The following TEDC2 variants were observed in gnomAD, a reference collection of about 807,000 sequenced individuals.
TEDC2 encodes the protein tubulin epsilon and delta complex 2, also known as tubulin epsilon and delta complex protein 2.
A neutral mutation model predicts 48.1 loss-of-function variants in TEDC2; 49 were observed. The observed-to-expected ratio is 1.02, with a 90% CI of 0.81 to 1.29. TEDC2 has a LOEUF of 1.29. Ranked by LOEUF, TEDC2 falls within the 50% of genes most tolerant of loss-of-function variation. TEDC2 has a pLI of 0.00. For synonymous variants in TEDC2, 299 were observed against 247.1 expected, an observed-to-expected ratio of 1.21 and a Z score of -1.97; for missense variants, 631 against 571.4, an observed-to-expected ratio of 1.10 and a Z score of -1.06.
In TEDC2 at chr16:2,463,951, T is replaced by C. The variant is rs771675401; in HGVS notation, c.965-88T>C. Reference sequence around the variant, plus strand: ...TTTCTCCTAAAGGCAGGGCAGGTGGTGCAGATGCGGGAGGGCCAGGCACAC... The same window carrying C: ...TTTCTCCTAAAGGCAGGGCAGGTGGCGCAGATGCGGGAGGGCCAGGCACAC... On this transcript the variant is annotated intron_variant, in intron 8 of 9. Coordinates refer to ENST00000361837, the MANE Select transcript of TEDC2 (RefSeq NM_025108.3). 7 of 1,390,320 alleles carry C rather than the reference T, an allele frequency of 5.0e-6. No homozygotes were observed. The African/African-American group carries it at 1.0e-4, about 20-fold the overall frequency. The allele number at this position is 1,390,320 out of a possible 1,614,324, so 86.1% of individuals were successfully genotyped here. A position where few individuals can be genotyped will look rare whatever the true frequency, so the allele number is the denominator to read the frequency against.
intron 8 of TEDC2, 170 bp from the exon 9 acceptor site, chr16:2,463,869 C>T (rs1038510684): frequency 9.9e-6 from 7 of 706,946 alleles, no homozygotes; most frequent in African/African-American, 7.2e-5. Context: ...GACTCCCTGC[C>T]AGCAAGTCCA....
intron 5 of TEDC2, 92 bp downstream of exon 5, chr16:2,461,892 C>A: frequency 6.9e-7 from 1 of 1,450,464 alleles, no homozygotes; most frequent in South Asian, 1.1e-5. Context: ...TCCAGTGGGT[C>A]TCTTTGTCCT....
rs748245218 is a variant in TEDC2, at chr16:2,462,187, C to G, written c.698C>G (p.Ser233Cys). ...AQLSSTQTSD[S>C]TDAAAAKTQF... Reference sequence around the variant, plus strand: ...CTCAGTTCCACACAGACCAGTGATTCCACGGATGCCGCCGCTGCCAAAACC... The same window carrying G: ...CTCAGTTCCACACAGACCAGTGATTGCACGGATGCCGCCGCTGCCAAAACC... Residue 233 changes from serine (S) to cysteine (C), a missense_variant, in exon 6 of 10, where the codon TCC (serine) becomes TGC (cysteine). Transcript: ENST00000361837. 3.1e-6 allele frequency: 5 copies of G among 1,613,360 alleles called. No homozygotes were observed. The Admixed American group carries it at 8.3e-5, about 27-fold the overall frequency.
chr16:2,463,484 G>A (rs2065480374), intron 8 of TEDC2, among the ~76,000 whole-genome samples: 2 of 150,992 alleles, frequency 1.3e-5, no homozygotes, highest in East Asian at 2.0e-4. Flanking sequence ...AAAATTAACT[G>A]GGTATGATGG....
At chr16:2,461,354 C>T in intron 4 of TEDC2, 130 bp downstream of exon 4, 5 of 1,230,140 alleles carry the variant, frequency 4.1e-6, no homozygotes, top group Non-Finnish European at 3.3e-6. Flanking sequence ...CCCTGAGGCT[C>T]ATGCTCAGAA....
rs367692813 is a variant in TEDC2, at chr16:2,460,975, C to T, written c.356C>T (p.Ala119Val). 39 of 1,613,276 alleles carry T rather than the reference C, an allele frequency of 2.4e-5. No homozygotes were observed. Among genetic ancestry groups the T allele is most frequent in the Non-Finnish European group, 3.3e-5 (39 of 1,180,016 alleles). Residue 119 changes from alanine to valine, a missense_variant, in exon 4 of 10, where the codon GCC (alanine) becomes GTC (valine). Transcript: ENST00000361837. ...ATTGTCACCTCTTCTGGCACGACAG[C>T]CTCCGCCCCACCGCATTCCCCAGGC... ...RSIVTSSGTT[A>V]SAPPHSPGQA... is the part of the protein sequence containing the mutation.
intron 7 of TEDC2, 45 bp downstream of exon 7, chr16:2,462,571 G>T (rs752476684): frequency 1.4e-5 from 22 of 1,559,716 alleles, no homozygotes; most frequent in Non-Finnish European, 1.8e-5. Context: ...TGGAGGGCCA[G>T]TGCAGGGAGG....
At position 2,460,875 on chromosome 16, in the gene TEDC2, A is replaced by C; in HGVS notation, c.256A>C (p.Lys86Gln). 1 of 1,613,510 alleles carries C rather than the reference A, an allele frequency of 6.2e-7. No homozygotes were observed. The highest frequency in any genetic ancestry group is 8.5e-7 in the Non-Finnish European group (1 of 1,180,000). ...ELEFLTQALE[K>Q]AVRVRRGITK... is the part of the protein sequence containing the mutation. ...GGAGTTTCTGACCCAGGCACTGGAG[A>C]AGGCTGTACGAGTTCGAAGAGGCAT... The change falls in exon 4 of 10, where the codon AAG becomes CAG. Residue 86 changes from lysine (K) to glutamine (Q), a missense_variant. Transcript: ENST00000361837.
At chr16:2,461,505 G>T in intron 4 of TEDC2, 1 of 636,042 alleles carries the variant, frequency 1.6e-6, no homozygotes, top group South Asian at 2.1e-5. Context: ...GCTCTGGAGG[G>T]CGTGGGATCT....
chr16:2,464,475 C>G (rs144943662), intron 9 of TEDC2, 47 bp from the exon 10 acceptor site: 2 of 1,509,708 alleles, frequency 1.3e-6, no homozygotes, highest in African/African-American at 2.8e-5. Flanking sequence ...GATTGCCCCC[C>G]GCCTAGGTGC....
chr16:2,464,188 C>T lies in TEDC2; in HGVS notation c.1114C>T (p.Leu372=). 1.2e-6 allele frequency: 2 copies of T among 1,612,134 alleles called. No homozygotes were observed. The highest frequency in any genetic ancestry group is 1.7e-6 in the Non-Finnish European group (2 of 1,179,704). ...GCTGCAGACCCTGGCGGCCCTCAAG[C>T]TGCGAGTGGCTGTGCTGGACCAGCA... is the stretch of plus-strand genomic sequence containing the variant. ...QELQTLAALK[L]RVAVLDQQIH... Residue 372 remains leucine (L), a synonymous_variant, in exon 9 of 10, where the codon CTG becomes TTG. Transcript: ENST00000361837.
intron 8 of TEDC2, 49 bp downstream of exon 8, chr16:2,462,781 G>T: frequency 6.1e-6 from 9 of 1,471,484 alleles, no homozygotes; most frequent in South Asian, 1.3e-5. Flanking sequence ...CTGGGCCGGG[G>T]ACAGGGTGCT....
rs1439164852 is a variant in TEDC2, at chr16:2,462,229, T to C, written c.740T>C (p.Met247Thr). 6.2e-7 allele frequency: 1 copy of C among 1,613,288 alleles called. No homozygotes were observed. Among genetic ancestry groups the C allele is most frequent in the Non-Finnish European group, 8.5e-7 (1 of 1,180,010 alleles). ...GCCAAAACCCAGTTCCTCCAGAACA[T>C]GCAGACAGCTGTATCCTTGCTGGGC... ...AAAKTQFLQNMQTASGGPQPR... is the reference protein window; with the variant it reads ...AAAKTQFLQNTQTASGGPQPR... Residue 247 changes from methionine to threonine, a missense_variant, in exon 6 of 10, where the codon ATG (methionine) becomes ACG (threonine). By Grantham distance (81) the Met-to-Thr change is moderately conservative. Transcript: ENST00000361837.
Position 2,460,916 on chromosome 16 carries a change from G to C in TEDC2, c.297G>C (p.Glu99Asp). 6.2e-7 allele frequency: 1 copy of C among 1,613,620 alleles called. No individual in the cohort carries two copies. Among genetic ancestry groups the C allele is most frequent in the Non-Finnish European group, 8.5e-7 (1 of 1,180,016 alleles). Reference sequence around the variant, plus strand: ...GAAGAGGCATCACTAAGGCCGGAGAGAGAGACAAGGCCCCCAGCCTGAAAT... The same window carrying C: ...GAAGAGGCATCACTAAGGCCGGAGACAGAGACAAGGCCCCCAGCCTGAAAT... ...RVRRGITKAG[E>D]RDKAPSLKSR... Residue 99 changes from glutamate to aspartate, a missense_variant, in exon 4 of 10, where the codon GAG (glutamate) becomes GAC (aspartate). Glu to Asp is a conservative substitution (Grantham distance 45). Transcript: ENST00000361837.
chr16:2,464,795 C>T lies in TEDC2; in HGVS notation c.*127C>T, dbSNP rs1197056788. 1.1e-5 allele frequency: 14 copies of T among 1,323,560 alleles called. 1 individual carries two copies. Among genetic ancestry groups the T allele is most frequent in the Non-Finnish European group, 1.3e-5 (13 of 964,698 alleles). 82.0% of individuals were successfully genotyped at this position (1,323,560 alleles called of 1,614,324 possible). On this transcript the variant is annotated 3_prime_UTR_variant, in exon 10 of 10. Coordinates refer to ENST00000361837, the MANE Select transcript of TEDC2 (RefSeq NM_025108.3). ...CCTGGTGAACTGGACCAGGTGGCCT[C>T]ACTGGCTCTTCTCAGGACAACTAAG...
Position 2,461,361 on chromosome 16 carries a change from A to C in TEDC2, c.605+137A>C, listed in dbSNP as rs2065465788. On this transcript the variant is annotated intron_variant, in intron 4 of 9. Transcript: ENST00000361837. ...TGGCATACCCCTGAGGCTCATGCTC[A>C]GAAGCTGGCAGAATGAAGCAGCTGT... 2.6e-6 allele frequency: 3 copies of C among 1,172,126 alleles called. No homozygotes were observed. In the African/African-American group the frequency reaches 4.7e-5, roughly 18 times the overall value. The allele number at this position is 1,172,126 out of a possible 1,614,324, so 72.6% of individuals were successfully genotyped here.
In TEDC2 at chr16:2,464,846, C is replaced by A; in HGVS notation, c.*178C>A. ...CCTGCTGGTCAGGGCTGGCTTTCAG[C>A]CTTCCTAAGGCTCCTGGACTCCAGA... On this transcript the variant is annotated 3_prime_UTR_variant, in exon 10 of 10. Coordinates refer to ENST00000361837, the MANE Select transcript of TEDC2 (RefSeq NM_025108.3). The A allele has an allele frequency of 1.1e-6, 1 of 881,732 alleles. No individual in the cohort carries two copies. Among genetic ancestry groups the A allele is most frequent in the Non-Finnish European group, 1.7e-6 (1 of 592,862 alleles). The allele number at this position is 881,732 out of a possible 1,614,324, so 54.6% of individuals were successfully genotyped here. A position where few individuals can be genotyped will look rare whatever the true frequency, so the allele number is the denominator to read the frequency against.
chr16:2,461,843 G>C, intron 5 of TEDC2, 43 bp downstream of exon 5: 4 of 1,608,866 alleles, frequency 2.5e-6, no homozygotes, highest in Non-Finnish European at 3.4e-6. Flanking sequence ...GGGGAGAACC[G>C]GGAGGCATCA....
chr16:2,464,215 A>C lies in TEDC2; in HGVS notation c.1141A>C (p.Ile381Leu). 6.2e-7 allele frequency: 1 copy of C among 1,611,890 alleles called. No homozygotes were observed. The highest frequency in any genetic ancestry group is 8.5e-7 in the Non-Finnish European group (1 of 1,179,550). The change falls in exon 9 of 10, where the codon ATC becomes CTC. Residue 381 changes from isoleucine to leucine, a missense_variant. By Grantham distance (5) the Ile-to-Leu change is conservative (BLOSUM62 2). Coordinates refer to ENST00000361837, the MANE Select transcript of TEDC2 (RefSeq NM_025108.3). ...GCGAGTGGCTGTGCTGGACCAGCAG[A>C]TCCACTTGGAAAAGGTGCTTCTGGA... is the stretch of plus-strand genomic sequence containing the variant. Reference protein sequence around the residue: ...KLRVAVLDQQIHLEKVLMAEL... With the variant: ...KLRVAVLDQQLHLEKVLMAEL...
Sources: allele counts gnomAD v4.1 joint callset (sites outside exome capture counted in the v4.1 genomes callset), GRCh38; gene constraint gnomAD v4.1.1; transcripts MANE v1.5; gene names NCBI Gene and HGNC (gene_info 2026-07-23, HGNC 2026-07-21).